Variants in A1CF observed in about 807,000 individuals in gnomAD.
A1CF encodes the protein APOBEC-1 stimulating protein.
Under a neutral mutation model 68.9 loss-of-function variants are expected in A1CF, and 48 were observed. The ratio of observed to expected loss-of-function variants is 0.70; its 90% CI spans 0.55 to 0.89. The LOEUF is 0.89. Among genes scored for constraint, A1CF ranks in the 40% least tolerant of loss-of-function variants. The pLI is 0.00. For missense variants in A1CF, 653 were observed against 718.9 expected, an observed-to-expected ratio of 0.91 and a Z score of 1.05; for synonymous variants, 272 against 260.4, an observed-to-expected ratio of 1.04 and a Z score of -0.43.
In A1CF at chr10:50,840,932, C is replaced by G. The variant is rs532752672; in HGVS notation, c.365+930G>C. Among the ~76,000 whole-genome samples, 6 of 152,324 alleles carry G rather than the reference C, an allele frequency of 3.9e-5. No homozygotes were observed. The South Asian group carries it at 1.2e-3, about 32-fold the overall frequency. On this transcript the variant is annotated intron_variant, in intron 5 of 12. Transcript: ENST00000373997. ...TTCTGAATTCTCTCTCAGTCTAAAT[C>G]CAATCTCTAGCCAGATTTGTGTATA...
chr10:50,883,049 AGACT>A (rs1841853845), intron 1 of A1CF, among the ~76,000 whole-genome samples: 1 of 152,198 alleles, frequency 6.6e-6, no homozygotes, highest in Admixed American at 6.5e-5. Flanking sequence ...AAAAATTTAC[AGACT>A]GTCTTTCTCT....
In A1CF at chr10:50,884,717, G is replaced by A. The variant is rs539300132; in HGVS notation, c.-94+864C>T. 4.6e-5 allele frequency among the ~76,000 whole-genome samples: 7 copies of A among 152,256 alleles called. No homozygotes were observed. In the East Asian group the frequency reaches 7.7e-4, roughly 17 times the overall value. ...GAAAAGTCCTATAGTAAATAAAATT[G>A]TTTAGTTTGGAATCCTTTCTTCTTG... On this transcript the variant is annotated intron_variant, in intron 1 of 12. Coordinates refer to ENST00000373997, the MANE Select transcript of A1CF (RefSeq NM_014576.4).
chr10:50,809,911 G>A lies in A1CF; in HGVS notation c.1592C>T (p.Ala531Val), dbSNP rs764935175. ...GDGTMATAAA[A>V]ATAFPGYAVP... is the part of the protein sequence containing the mutation. ...TCCCATACCTGGGAAAGCAGTAGCAGCAGCAGCAGCAGTAGCCATGGTGCC... is the reference window on the plus strand; with the variant it reads ...TCCCATACCTGGGAAAGCAGTAGCAACAGCAGCAGCAGTAGCCATGGTGCC... Residue 531 changes from alanine to valine, a missense_variant, in exon 12 of 13, where the codon GCT becomes GTT. Coordinates refer to ENST00000373997, the MANE Select transcript of A1CF (RefSeq NM_014576.4). 6 of 1,613,414 alleles carry A rather than the reference G, an allele frequency of 3.7e-6. No homozygotes were observed. The East Asian group carries it at 8.9e-5, about 24-fold the overall frequency.
At chr10:50,864,628 T>C (rs1840895736) in intron 1 of A1CF, among the ~76,000 whole-genome samples, 1 of 151,890 alleles carries the variant, frequency 6.6e-6, no homozygotes, top group Non-Finnish European at 1.5e-5. Context: ...TTTCTTTACT[T>C]TTTTTTTGAG....
At chr10:50,858,568 C>G (rs569082762) in intron 3 of A1CF, among the ~76,000 whole-genome samples, 1 of 152,206 alleles carries the variant, frequency 6.6e-6, no homozygotes, top group Admixed American at 6.5e-5. Context: ...AAGGAACACT[C>G]ATATATAAAT....
rs1178201562 is a variant in A1CF at position 50,859,848 on chromosome 10, C to G, written c.93G>C (p.Leu31Phe). Residue 31 changes from leucine to phenylalanine, a missense_variant, in exon 3 of 13, where the codon TTG becomes TTC. Physicochemically the swap from Leu to Phe is conservative, Grantham distance 22 (BLOSUM62 0). Coordinates refer to ENST00000373997, the MANE Select transcript of A1CF (RefSeq NM_014576.4). ...RALVQRTGYS[L>F]VQENGQRKYG... ...AGATTTCACAAGTTCCTACCTGGAC[C>G]AAGCTATATCCTGTGCGCTGGACCA... is the stretch of plus-strand genomic sequence containing the variant. 6.2e-7 allele frequency: 1 copy of G among 1,613,572 alleles called. No individual in the cohort carries two copies. The highest frequency in any genetic ancestry group is 1.7e-5 in the Admixed American group (1 of 59,942).
chr10:50,860,230 G>A (rs1840682173), intron 2 of A1CF, among the ~76,000 whole-genome samples: 1 of 152,080 alleles, frequency 6.6e-6, no homozygotes, highest in Non-Finnish European at 1.5e-5. Context: ...CAATTATAAT[G>A]CAGATTAGTA....
Position 50,839,991 on chromosome 10 carries a change from C to T in A1CF, c.365+1871G>A, listed in dbSNP as rs150747602. ...TCCCAACCTCAGGTGATCCGCCCGCCTTGGCCTCCCAAAGTGCTAGGATTA... is the reference window on the plus strand; with the variant it reads ...TCCCAACCTCAGGTGATCCGCCCGCTTTGGCCTCCCAAAGTGCTAGGATTA... On this transcript the variant is annotated intron_variant, in intron 5 of 12. Transcript: ENST00000373997. 5.5e-3 allele frequency among the ~76,000 whole-genome samples: 832 copies of T among 152,316 alleles called. 14 individuals carry two copies. Among genetic ancestry groups the T allele is most frequent in the African/African-American group, 0.019 (777 of 41,570 alleles).
intron 1 of A1CF, among the ~76,000 whole-genome samples, chr10:50,881,165 T>C (rs1841757262): frequency 6.6e-6 from 1 of 152,130 alleles, no homozygotes; most frequent in South Asian, 2.1e-4. Flanking sequence ...AATTTTTGTA[T>C]TTTTCTGGAG....
intron 3 of A1CF, among the ~76,000 whole-genome samples, chr10:50,857,976 T>A (rs1412755290): frequency 6.6e-6 from 1 of 152,204 alleles, no homozygotes; most frequent in Non-Finnish European, 1.5e-5. Context: ...GAGAGCCCAA[T>A]GAAGGTAGCT....
intron 6 of A1CF, among the ~76,000 whole-genome samples, chr10:50,834,441 G>C (rs889405013): frequency 6.6e-5 from 10 of 152,146 alleles, no homozygotes; most frequent in Admixed American, 3.9e-4. Flanking sequence ...AGGAATAAAC[G>C]AGACAGACAT....
At position 50,836,034 on chromosome 10, in the gene A1CF, T is replaced by C. The variant is rs765602658; in HGVS notation, c.604+40A>G. Reference sequence around the variant, plus strand: ...ATTTTCTTTGCGGAGGCAGGCAGGATAGGCAGAGAAGTCTCATCTTTGAGG... The same window carrying C: ...ATTTTCTTTGCGGAGGCAGGCAGGACAGGCAGAGAAGTCTCATCTTTGAGG... On this transcript the variant is annotated intron_variant, in intron 6 of 12. Transcript: ENST00000373997. 2.0e-6 allele frequency: 3 copies of C among 1,519,056 alleles called. No homozygotes were observed. In the South Asian group the frequency reaches 3.8e-5, roughly 19 times the overall value. The allele number at this position is 1,519,056 out of a possible 1,614,324, so 94.1% of individuals were successfully genotyped here. A position where few individuals can be genotyped will look rare whatever the true frequency, so the allele number is the denominator to read the frequency against.
At chr10:50,858,429 ATTTAC>A (rs1283391774) in intron 3 of A1CF, among the ~76,000 whole-genome samples, 1 of 152,060 alleles carries the variant, frequency 6.6e-6, no homozygotes, top group Non-Finnish European at 1.5e-5. Context: ...TACATTCATA[ATTTAC>A]TTAATAATTT....
At position 50,857,791 on chromosome 10, in the gene A1CF, T is replaced by C. The variant is rs1021532748; in HGVS notation, c.99+2051A>G. 1.4e-4 allele frequency among the ~76,000 whole-genome samples: 22 copies of C among 152,154 alleles called. 1 individual carries two copies. Among genetic ancestry groups the C allele is most frequent in the Admixed American group, 9.8e-4 (15 of 15,274 alleles). ...GTGTCACCTCAATTTCCAGATTTTG[T>C]TGGGTCAGGGAATGTGTGTTTCCGG... On this transcript the variant is annotated intron_variant, in intron 3 of 12. Transcript: ENST00000373997.
chr10:50,844,703 G>A lies in A1CF; in HGVS notation c.100-581C>T, dbSNP rs562810917. Among the ~76,000 whole-genome samples, 14 of 151,918 alleles carry A rather than the reference G, an allele frequency of 9.2e-5. No homozygotes were observed. The South Asian group carries it at 1.0e-3, about 11-fold the overall frequency. ...CATGCTATAAAATGATACAAGTTGT[G>A]GAAAAAACACAGTGACATGTAAAGT... On this transcript the variant is annotated intron_variant, in intron 3 of 12. Coordinates refer to ENST00000373997, the MANE Select transcript of A1CF (RefSeq NM_014576.4).
chr10:50,812,881 A>T (rs184325700), intron 10 of A1CF, among the ~76,000 whole-genome samples: 34 of 152,248 alleles, frequency 2.2e-4, no homozygotes, highest in Admixed American at 4.6e-4. Context: ...CATTTTTTTT[A>T]AAATTCCCTG....
At chr10:50,870,704 G>A (rs939826345) in intron 1 of A1CF, among the ~76,000 whole-genome samples, 28 of 151,810 alleles carry the variant, frequency 1.8e-4, no homozygotes, top group African/African-American at 6.3e-4. Flanking sequence ...CTCTTTAAAA[G>A]CAAATTATTC....
intron 5 of A1CF, among the ~76,000 whole-genome samples, chr10:50,840,174 A>G (rs1839707099): frequency 6.6e-6 from 1 of 151,944 alleles, no homozygotes; most frequent in Non-Finnish European, 1.5e-5. Context: ...GCATTCATCA[A>G]ATTTAAGATC....
At chr10:50,816,902 G>T (rs1838400397) in intron 8 of A1CF, among the ~76,000 whole-genome samples, 1 of 152,164 alleles carries the variant, frequency 6.6e-6, no homozygotes. Flanking sequence ...GCCTGCCACA[G>T]GTTCTTCCTT....
Sources: gnomAD v4.1 joint callset for allele counts (sites outside exome capture counted in the v4.1 genomes callset) on GRCh38, gnomAD v4.1.1 for gene constraint, MANE v1.5 for transcripts, NCBI Gene and HGNC (gene_info 2026-07-23, HGNC 2026-07-21) for gene names.